The following CENPW variants were observed in gnomAD, a reference collection of about 807,000 sequenced individuals.
CENPW encodes the protein centromere protein W.
CENPW carries 3 observed loss-of-function variants against 11.1 expected under a neutral mutation model. The observed-to-expected ratio is 0.27, with a 90% CI of 0.12 to 0.70. CENPW has a LOEUF of 0.70. CENPW is among the 30% of genes least tolerant of loss of function. CENPW has a pLI of 0.77. For missense variants in CENPW, 100 were observed against 105.6 expected (o/e 0.95, Z 0.23); for synonymous variants, 38 against 42.0 (o/e 0.91, Z 0.37).
At chr6:126,433,420 A>C in the CENPW span, among the ~76,000 whole-genome samples, 1 of 152,222 alleles carries the variant, frequency 6.6e-6, no homozygotes, top group Non-Finnish European at 1.5e-5. Flanking sequence ...TGTAAGAAGA[A>C]GATAATAAGC....
chr6:126,422,750 C>T, the CENPW span, among the ~76,000 whole-genome samples: 2 of 152,134 alleles, frequency 1.3e-5, no homozygotes, highest in African/African-American at 4.8e-5. Context: ...TATAAGACTT[C>T]TTCAACCTTC....
At chr6:126,463,540 GA>G in the CENPW span, among the ~76,000 whole-genome samples, 3 of 151,998 alleles carry the variant, frequency 2.0e-5, no homozygotes, top group East Asian at 5.8e-4. Context: ...ATTTCCTGAG[GA>G]GGTAAATAAA....
At chr6:126,465,006 A>C in the CENPW span, among the ~76,000 whole-genome samples, 1 of 152,230 alleles carries the variant, frequency 6.6e-6, no homozygotes, top group Admixed American at 6.6e-5. Flanking sequence ...TGGAGGTTCT[A>C]GTGAGTACAA....
chr6:126,412,554 T>C, the CENPW span, among the ~76,000 whole-genome samples: 1 of 152,136 alleles, frequency 6.6e-6, no homozygotes. Context: ...CTACATGGAA[T>C]TGTTGAGCTT....
At chr6:126,384,564 G>A in the CENPW span, among the ~76,000 whole-genome samples, 2 of 152,122 alleles carry the variant, frequency 1.3e-5, no homozygotes, top group Admixed American at 6.6e-5. Flanking sequence ...GGGATAACTG[G>A]TTAGCCATAT....
the CENPW span, among the ~76,000 whole-genome samples, chr6:126,387,492 G>A: frequency 6.6e-6 from 1 of 151,856 alleles, no homozygotes; most frequent in South Asian, 2.1e-4. Flanking sequence ...CCTTTCAAGT[G>A]CAATTAGTAT....
the CENPW span, among the ~76,000 whole-genome samples, chr6:126,379,640 T>C: frequency 1.8e-3 from 277 of 152,356 alleles, 1 homozygote; most frequent in African/African-American, 6.0e-3. Context: ...GTTAGTATTC[T>C]TGATAAGTCA....
the CENPW span, among the ~76,000 whole-genome samples, chr6:126,467,561 C>T: frequency 1.8e-4 from 27 of 151,966 alleles, no homozygotes; most frequent in Non-Finnish European, 2.9e-4. Context: ...ACAATTTGCT[C>T]AACAAAGTAC....
At chr6:126,429,303 T>A in the CENPW span, among the ~76,000 whole-genome samples, 4 of 152,214 alleles carry the variant, frequency 2.6e-5, no homozygotes, top group Non-Finnish European at 5.9e-5. Context: ...TAATTTGTGA[T>A]ATAGTTTGGA....
the CENPW span, among the ~76,000 whole-genome samples, chr6:126,469,400 T>C: frequency 1.3e-5 from 2 of 152,206 alleles, no homozygotes; most frequent in Non-Finnish European, 2.9e-5. Flanking sequence ...TCCCCAGACA[T>C]GCAGAACTAT....
chr6:126,381,645 C>G, the CENPW span, among the ~76,000 whole-genome samples: 1 of 152,144 alleles, frequency 6.6e-6, no homozygotes, highest in South Asian at 2.1e-4. Flanking sequence ...GCCAGCCAAC[C>G]AACATGCACC....
chr6:126,411,277 C>A, the CENPW span, among the ~76,000 whole-genome samples: 2 of 152,268 alleles, frequency 1.3e-5, no homozygotes, highest in African/African-American at 2.4e-5. Flanking sequence ...TTGGTGGCCA[C>A]GGCTGTAGAA....
At chr6:126,428,378 T>A in the CENPW span, among the ~76,000 whole-genome samples, 1 of 152,218 alleles carries the variant, frequency 6.6e-6, no homozygotes, top group Non-Finnish European at 1.5e-5. Context: ...GAGAACTGAA[T>A]ATATTTTCAT....
chr6:126,388,223 T>C, the CENPW span, among the ~76,000 whole-genome samples: 1 of 152,030 alleles, frequency 6.6e-6, no homozygotes, highest in Non-Finnish European at 1.5e-5. Flanking sequence ...GTTGTTTTAT[T>C]GTGTTTTCAA....
the CENPW span, among the ~76,000 whole-genome samples, chr6:126,392,650 C>G: frequency 6.6e-6 from 1 of 151,854 alleles, no homozygotes; most frequent in East Asian, 1.9e-4. Flanking sequence ...TGGGATAAAT[C>G]CCACTTGGTC....
downstream of CENPW, among the ~76,000 whole-genome samples, chr6:126,350,412 C>T (rs917955322): frequency 2.0e-5 from 3 of 152,014 alleles, no homozygotes; most frequent in Non-Finnish European, 2.9e-5. Context: ...TGTCCTCATA[C>T]GGAGGAAAAA....
chr6:126,411,282 G>T, the CENPW span, among the ~76,000 whole-genome samples: 1 of 152,202 alleles, frequency 6.6e-6, no homozygotes, highest in African/African-American at 2.4e-5. Context: ...GGCCACGGCT[G>T]TAGAAATTTA....
the CENPW span, among the ~76,000 whole-genome samples, chr6:126,364,283 T>G: frequency 6.6e-6 from 1 of 152,178 alleles, no homozygotes; most frequent in Non-Finnish European, 1.5e-5. Flanking sequence ...ACCTAGTCCT[T>G]GTGTCACGTT....
At chr6:126,395,569 A>G in the CENPW span, among the ~76,000 whole-genome samples, 4 of 152,114 alleles carry the variant, frequency 2.6e-5, no homozygotes, top group East Asian at 1.9e-4. Context: ...TGATGAGGTA[A>G]TGTTTTCTTG....
Sources: gnomAD v4.1 joint callset for allele counts (sites outside exome capture counted in the v4.1 genomes callset) on GRCh38, gnomAD v4.1.1 for gene constraint, MANE v1.5 for transcripts, NCBI Gene and HGNC (gene_info 2026-07-23, HGNC 2026-07-21) for gene names.